PRKAR1B: variants seen among roughly 807,000 people sequenced by gnomAD.
PRKAR1B encodes the protein cAMP-dependent protein kinase type I-beta regulatory subunit.
Under a neutral mutation model 46.5 loss-of-function variants are expected in PRKAR1B, and 22 were observed. The observed-to-expected ratio is 0.47, with a 90% confidence interval of 0.34 to 0.68. PRKAR1B has a LOEUF of 0.68. PRKAR1B is among the 30% of genes least tolerant of loss of function. The probability of loss-of-function intolerance (pLI) is 0.01; values close to 1 mark genes in which losing one functional copy is unlikely to be tolerated. For synonymous variants in PRKAR1B, 259 were observed against 217.7 expected, an observed-to-expected ratio of 1.19 and a Z score of -1.67; for missense variants, 445 against 535.6, an observed-to-expected ratio of 0.83 and a Z score of 1.67.
chr7:573,841 G>T (rs1054589850), intron 9 of PRKAR1B, among the ~76,000 whole-genome samples: 2 of 152,172 alleles, frequency 1.3e-5, no homozygotes, highest in African/African-American at 4.8e-5. Context: ...GGGAGGCAGC[G>T]TCTGCCCCTC....
At chr7:635,727 C>T (rs374799432) in intron 4 of PRKAR1B, among the ~76,000 whole-genome samples, 6 of 152,174 alleles carry the variant, frequency 3.9e-5, no homozygotes, top group African/African-American at 9.6e-5. Context: ...GCGAGGGAGA[C>T]GGGGAAGCCT....
rs549682722 is a variant in PRKAR1B at position 596,362 on chromosome 7, A to G, written c.550-58T>C. The G allele has an allele frequency of 4.6e-5, 72 of 1,557,272 alleles. No individual in the cohort carries two copies. In the Middle Eastern group the frequency reaches 5.1e-4, roughly 11 times the overall value. On this transcript the variant is annotated intron_variant, in intron 6 of 10. Transcript: ENST00000537384. ...GGCCAGGCAGGGTGACCTCCTCTGC[A>G]TCCCATACAGAAAGTCCCCCTTAGC...
chr7:639,988 C>T (rs923032030), intron 4 of PRKAR1B, among the ~76,000 whole-genome samples: 7 of 151,796 alleles, frequency 4.6e-5, no homozygotes, highest in African/African-American at 1.7e-4. Flanking sequence ...CATGGTGAAA[C>T]CCCATCTCTA....
In PRKAR1B at chr7:593,421, G is replaced by A. The variant is rs1479877759; in HGVS notation, c.708+2725C>T. 6.6e-6 allele frequency among the ~76,000 whole-genome samples: 1 copy of A among 152,194 alleles called. No individual in the cohort carries two copies. Among genetic ancestry groups the A allele is most frequent in the Non-Finnish European group, 1.5e-5 (1 of 68,030 alleles). ...CGTCCAAACCAGCCCGGCGCGGCCA[G>A]CTATTCTTAGCGCACAGGGACCCAA... On this transcript the variant is annotated intron_variant, in intron 7 of 10. Coordinates refer to ENST00000537384, the MANE Select transcript of PRKAR1B (RefSeq NM_001164760.2). This position sits in a 1 kb window ranked among gnomAD's most constrained non-coding sequence, Gnocchi z 6.1.
intron 2 of PRKAR1B, among the ~76,000 whole-genome samples, chr7:682,061 G>C (rs1481120354): frequency 6.6e-6 from 1 of 152,006 alleles, no homozygotes; most frequent in East Asian, 1.9e-4. Context: ...GAAGGAAGAA[G>C]GGAGGAGGGA....
chr7:680,425 C>A (rs1016865622), intron 3 of PRKAR1B, 131 bp downstream of exon 3: 6 of 951,060 alleles, frequency 6.3e-6, no homozygotes, highest in Admixed American at 6.2e-5. Context: ...CCCACATAGT[C>A]CTCCCTCCAA....
At chr7:557,233 G>T (rs541160746) in intron 9 of PRKAR1B, among the ~76,000 whole-genome samples, 1 of 152,174 alleles carries the variant, frequency 6.6e-6, no homozygotes, top group Non-Finnish European at 1.5e-5. Flanking sequence ...AGCAGACCTG[G>T]GTTCGAATCC....
At position 647,471 on chromosome 7, in the gene PRKAR1B, A is replaced by G. The variant is rs569966971; in HGVS notation, c.440+29758T>C. 2.6e-5 allele frequency among the ~76,000 whole-genome samples: 4 copies of G among 151,972 alleles called. No homozygotes were observed. In the East Asian group the frequency reaches 7.8e-4, roughly 30 times the overall value. On this transcript the variant is annotated intron_variant, in intron 4 of 10. Coordinates refer to ENST00000537384, the MANE Select transcript of PRKAR1B (RefSeq NM_001164760.2). ...CCGTCCGGTCTTTAATCCCATAACCATGAATAACCACCCATTTGCTATCCA... is the reference window on the plus strand; with the variant it reads ...CCGTCCGGTCTTTAATCCCATAACCGTGAATAACCACCCATTTGCTATCCA...
chr7:650,850 A>C (rs1295860101), intron 4 of PRKAR1B, among the ~76,000 whole-genome samples: 1 of 152,080 alleles, frequency 6.6e-6, no homozygotes, highest in Non-Finnish European at 1.5e-5. Flanking sequence ...TCTGAGGCAA[A>C]GCTGCTGCCT....
chr7:693,746 C>A (rs867408994), intron 2 of PRKAR1B, among the ~76,000 whole-genome samples: 12 of 152,146 alleles, frequency 7.9e-5, no homozygotes, highest in African/African-American at 2.9e-4. Context: ...GTTCTCAATT[C>A]TTCGGGCTGT....
rs1014471437 is a variant in PRKAR1B, at chr7:724,492, G to A, written c.-23+2718C>T. Among the ~76,000 whole-genome samples, 12 of 152,182 alleles carry A rather than the reference G, an allele frequency of 7.9e-5. No individual in the cohort carries two copies. In the East Asian group the frequency reaches 9.6e-4, roughly 12 times the overall value. On this transcript the variant is annotated intron_variant, in intron 1 of 10. Coordinates refer to ENST00000537384, the MANE Select transcript of PRKAR1B (RefSeq NM_001164760.2). ...ATGTGACTTGCTCCTTCCCGCCTTC[G>A]GCCATCATTGTGAGGCCTCCCCAGC...
At chr7:569,069 C>T (rs1392055564) in intron 9 of PRKAR1B, among the ~76,000 whole-genome samples, 2 of 134,216 alleles carry the variant, frequency 1.5e-5, no homozygotes, top group Admixed American at 7.5e-5. Flanking sequence ...CTTACATTAA[C>T]AAAAAAAAAA....
chr7:628,573 C>T (rs1056693681), intron 4 of PRKAR1B, among the ~76,000 whole-genome samples: 1 of 152,204 alleles, frequency 6.6e-6, no homozygotes, highest in Non-Finnish European at 1.5e-5. Flanking sequence ...CTCGATGGGA[C>T]CAGTCGCTCG....
At chr7:583,770 A>G (rs1354189994) in intron 8 of PRKAR1B, among the ~76,000 whole-genome samples, 2 of 149,644 alleles carry the variant, frequency 1.3e-5, no homozygotes, top group African/African-American at 2.5e-5. Context: ...GCACCCATGC[A>G]CACTCACGTG....
At chr7:576,145 C>A (rs554558065) in intron 9 of PRKAR1B, among the ~76,000 whole-genome samples, 8 of 150,714 alleles carry the variant, frequency 5.3e-5, no homozygotes, top group Admixed American at 1.3e-4. Context: ...ACGCTGGCAT[C>A]CTCTCCTCTG....
At chr7:592,200 C>T (rs776903388) in intron 7 of PRKAR1B, among the ~76,000 whole-genome samples, 7 of 152,218 alleles carry the variant, frequency 4.6e-5, no homozygotes, top group East Asian at 1.9e-4. Flanking sequence ...CTGAGCCCAC[C>T]GTCCCGCCCG....
chr7:726,015 C>T (rs568095253), intron 1 of PRKAR1B, among the ~76,000 whole-genome samples: 30 of 152,320 alleles, frequency 2.0e-4, no homozygotes, highest in African/African-American at 6.7e-4. Context: ...TGACCCATCT[C>T]AGGATTTTCA....
rs928003255 is a variant in PRKAR1B, at chr7:550,288, C to T, written c.*142G>A. ...GATCATTTATTCCAAAAAGTGAGTC[C>T]GGGGAAGGGGCAGTCCTCACGCTGC... On this transcript the variant is annotated 3_prime_UTR_variant, in exon 11 of 11. Coordinates refer to ENST00000537384, the MANE Select transcript of PRKAR1B (RefSeq NM_001164760.2). 8.9e-5 allele frequency: 59 copies of T among 659,964 alleles called. 1 individual carries two copies. The highest frequency in any genetic ancestry group is 2.7e-4 in the African/African-American group (15 of 54,684). The allele number at this position is 659,964 out of a possible 1,614,324, so 40.9% of individuals were successfully genotyped here.
chr7:574,878 G>T (rs138782787), intron 9 of PRKAR1B, among the ~76,000 whole-genome samples: 1 of 152,216 alleles, frequency 6.6e-6, no homozygotes, highest in Non-Finnish European at 1.5e-5. Flanking sequence ...CCAGTTTCTT[G>T]TCAATGGTTG....
Sources: allele counts gnomAD v4.1 joint callset (sites outside exome capture counted in the v4.1 genomes callset), GRCh38; gene constraint gnomAD v4.1.1; non-coding constraint Gnocchi (gnomAD v3.1); transcripts MANE v1.5; gene names NCBI Gene and HGNC (gene_info 2026-07-23, HGNC 2026-07-21).